The following CTNNA3 variants were observed in gnomAD, a reference collection of about 807,000 sequenced individuals.
CTNNA3 encodes catenin alpha-3.
In CTNNA3, 76 loss-of-function variants were observed where a neutral mutation model predicts 95.7. That is an observed-to-expected ratio of 0.79 (90% confidence interval 0.66 to 0.96). The LOEUF (loss-of-function observed/expected upper bound fraction) is 0.96, where lower values mean the gene tolerates loss of function less well. CTNNA3 is among the 40% of genes least tolerant of loss of function. CTNNA3 has a pLI of 0.00. For missense variants in CTNNA3, 1,191 were observed against 1,089.8 expected, an observed-to-expected ratio of 1.09 and a Z score of -1.31; for synonymous variants, 431 against 374.4, an observed-to-expected ratio of 1.15 and a Z score of -1.74.
intron 9 of CTNNA3, among the ~76,000 whole-genome samples, chr10:66,624,311 G>T (rs992727401): frequency 1.3e-5 from 2 of 152,078 alleles, no homozygotes; most frequent in African/African-American, 4.8e-5. Flanking sequence ...AATTAAACGA[G>T]ATAATGTATG....
chr10:66,646,726 C>T (rs1845719839), intron 9 of CTNNA3, among the ~76,000 whole-genome samples: 1 of 152,126 alleles, frequency 6.6e-6, no homozygotes, highest in Admixed American at 6.5e-5. Context: ...CACTGGGATT[C>T]CCATCAACAT....
At chr10:66,765,025 A>G (rs1291173313) in intron 9 of CTNNA3, among the ~76,000 whole-genome samples, 1 of 152,164 alleles carries the variant, frequency 6.6e-6, no homozygotes, top group East Asian at 1.9e-4. Context: ...AACACTTGCC[A>G]TATCTAACAG....
At chr10:67,314,588 C>T (rs372148698) in intron 5 of CTNNA3, among the ~76,000 whole-genome samples, 86 of 152,200 alleles carry the variant, frequency 5.7e-4, no homozygotes, top group African/African-American at 1.9e-3. Flanking sequence ...TCTTATTCCC[C>T]GAAGGCAACA....
At chr10:67,202,911 A>T (rs912037817) in intron 6 of CTNNA3, among the ~76,000 whole-genome samples, 2 of 152,320 alleles carry the variant, frequency 1.3e-5, no homozygotes, top group African/African-American at 4.8e-5. Flanking sequence ...AACTTGGAAT[A>T]ATTTTAACCA....
At chr10:66,435,280 C>CA (rs2093329062) in intron 11 of CTNNA3, among the ~76,000 whole-genome samples, 1 of 151,530 alleles carries the variant, frequency 6.6e-6, no homozygotes, top group Admixed American at 6.6e-5. Context: ...TGGTCCTGGG[C>CA]TTTTTTTTGG....
chr10:66,214,331 T>C (rs1415205159), intron 13 of CTNNA3, among the ~76,000 whole-genome samples: 4 of 152,320 alleles, frequency 2.6e-5, no homozygotes, highest in East Asian at 1.9e-4. Context: ...CCACCTAGCA[T>C]ATAAAATGGA....
At chr10:66,955,169 G>C (rs1044701808) in intron 7 of CTNNA3, among the ~76,000 whole-genome samples, 4 of 152,024 alleles carry the variant, frequency 2.6e-5, no homozygotes, top group African/African-American at 9.7e-5. Flanking sequence ...CTTACTCTGA[G>C]TATTGTTTCC....
At chr10:66,685,349 ATATTTTTTTTTTTTTTTTTTTTT>A (rs1847253577) in intron 9 of CTNNA3, among the ~76,000 whole-genome samples, 1 of 41,038 alleles carries the variant, frequency 2.4e-5, no homozygotes, top group Non-Finnish European at 3.8e-5. Flanking sequence ...ATATATATAT[ATATTTTTTTTTTTTTTTTTTTTT>A]TTTTTTTTTT....
chr10:67,084,134 A>T (rs1272562778), intron 7 of CTNNA3, among the ~76,000 whole-genome samples: 1 of 152,048 alleles, frequency 6.6e-6, no homozygotes, highest in Admixed American at 6.6e-5. Context: ...ACTAATCTCA[A>T]ATTCACTTAT....
chr10:66,412,034 G>A (rs947157900), intron 11 of CTNNA3, among the ~76,000 whole-genome samples: 1 of 152,118 alleles, frequency 6.6e-6, no homozygotes, highest in African/African-American at 2.4e-5. Context: ...TTTGGGCCTA[G>A]AAGTTTCCTA....
intron 16 of CTNNA3, among the ~76,000 whole-genome samples, chr10:65,978,584 A>C (rs1433751293): frequency 6.6e-6 from 1 of 151,924 alleles, no homozygotes; most frequent in African/African-American, 2.4e-5. Context: ...TCTAACATCC[A>C]GCTCTGTCAT....
intron 7 of CTNNA3, among the ~76,000 whole-genome samples, chr10:66,840,568 T>C (rs545894117): frequency 2.6e-5 from 4 of 152,204 alleles, no homozygotes; most frequent in African/African-American, 9.6e-5. Flanking sequence ...CTAGTCAAGG[T>C]TGGATGAGTG....
At chr10:65,926,004 C>T (rs2077163574) in intron 17 of CTNNA3, among the ~76,000 whole-genome samples, 2 of 149,964 alleles carry the variant, frequency 1.3e-5, no homozygotes, top group African/African-American at 4.9e-5. Context: ...AATCAGACAT[C>T]TTATATATTA....
At chr10:66,879,621 A>C (rs183353834) in intron 7 of CTNNA3, among the ~76,000 whole-genome samples, 1 of 152,088 alleles carries the variant, frequency 6.6e-6, no homozygotes, top group Non-Finnish European at 1.5e-5. Flanking sequence ...ACCCATGAAG[A>C]GTTAAGTAAT....
chr10:67,236,324 T>C (rs1207130014), intron 5 of CTNNA3, among the ~76,000 whole-genome samples: 1 of 151,316 alleles, frequency 6.6e-6, no homozygotes, highest in African/African-American at 2.4e-5. Flanking sequence ...TGGAATACTA[T>C]GCAGCCATAA....
rs1229014826 is a variant in CTNNA3, at chr10:66,704,178, A to G, written c.1281+62086T>C. Among the ~76,000 whole-genome samples the G allele has an allele frequency of 2.0e-5, 3 of 152,120 alleles. 1 individual carries two copies. In the East Asian group the frequency reaches 5.8e-4, roughly 29 times the overall value. ...TTCTATTTTTCATTGACTTCTATTC[A>G]TCACTTTCAGTATAAAACTTCAACA... On this transcript the variant is annotated intron_variant, in intron 9 of 17. Coordinates refer to ENST00000433211, the MANE Select transcript of CTNNA3 (RefSeq NM_013266.4).
chr10:66,343,680 T>C (rs2092475900), intron 12 of CTNNA3, among the ~76,000 whole-genome samples: 1 of 152,042 alleles, frequency 6.6e-6, no homozygotes. Context: ...AGGATGACTC[T>C]AGTTAACAAT....
At chr10:67,693,490 C>T (rs1840908598) in intron 1 of CTNNA3, among the ~76,000 whole-genome samples, 1 of 152,184 alleles carries the variant, frequency 6.6e-6, no homozygotes, top group Admixed American at 6.5e-5. Flanking sequence ...CTTCTTAAAT[C>T]TTAATCCCTT....
chr10:67,482,819 CTTGTGCCAG>C (rs1240626907), intron 5 of CTNNA3, among the ~76,000 whole-genome samples: 6 of 152,112 alleles, frequency 3.9e-5, no homozygotes, highest in African/African-American at 1.4e-4. Context: ...GCATCCCTGT[CTTGTGCCAG>C]TTTTCAAAGG....
Sources: allele counts gnomAD v4.1 joint callset (sites outside exome capture counted in the v4.1 genomes callset), GRCh38; gene constraint gnomAD v4.1.1; transcripts MANE v1.5; gene names NCBI Gene and HGNC (gene_info 2026-07-23, HGNC 2026-07-21).